The following NIPBL variants were observed in gnomAD, a reference collection of about 807,000 sequenced individuals.
The protein encoded by NIPBL is NIPBL cohesin loading factor.
A neutral mutation model predicts 321.8 loss-of-function variants in NIPBL; 19 were observed. That is an observed-to-expected ratio of 0.06 (90% CI 0.04 to 0.09). The LOEUF (loss-of-function observed/expected upper bound fraction) is 0.09, where lower values mean the gene tolerates loss of function less well. NIPBL is among the 10% of genes least tolerant of loss of function. The probability of loss-of-function intolerance (pLI) is 1.00; values close to 1 mark genes in which losing one functional copy is unlikely to be tolerated. For missense variants in NIPBL, 2,210 were observed against 3,327.0 expected (o/e 0.66, Z 8.26); for synonymous variants, 1,106 against 1,114.1 (o/e 0.99, Z 0.14).
chr5:37,057,076 G>C, intron 42 of NIPBL, 110 bp from the exon 43 acceptor site: 1 of 1,029,966 alleles, frequency 9.7e-7, no homozygotes, highest in Non-Finnish European at 1.5e-6. Flanking sequence ...GCTTATCTCT[G>C]TCTAACATTA....
rs370709104 is a variant in NIPBL at position 37,046,208 on chromosome 5, A to T, written c.6589+9A>T. ...AGCTATCATTGGTCTAGGTAAGTCT[A>T]AATTTCTTTATAATTTGTAGCTATT... On this transcript the variant is annotated intron_variant, in intron 38 of 46. Coordinates refer to ENST00000282516, the MANE Select transcript of NIPBL (RefSeq NM_133433.4). 8.9e-5 allele frequency: 129 copies of T among 1,450,338 alleles called. No individual in the cohort carries two copies. The Middle Eastern group carries it at 1.4e-3, about 16-fold the overall frequency. 89.8% of individuals were successfully genotyped at this position (1,450,338 alleles called of 1,614,324 possible).
At chr5:36,899,466 A>G (rs976906325) in intron 1 of NIPBL, among the ~76,000 whole-genome samples, 12 of 152,188 alleles carry the variant, frequency 7.9e-5, no homozygotes, top group Admixed American at 2.6e-4. Context: ...GGAATCTCAT[A>G]TTCAGTGCAG....
chr5:36,985,809 T>C lies in NIPBL; in HGVS notation c.2629T>C (p.Ser877Pro). Reference sequence around the variant, plus strand: ...AAAACACAGGCATGAATCAGGGGACTCAAGGGAAAGACCATCTTCTGGGGA... The same window carrying C: ...AAAACACAGGCATGAATCAGGGGACCCAAGGGAAAGACCATCTTCTGGGGA... ...ERKHRHESGD[S>P]RERPSSGEQK... Residue 877 changes from serine to proline, a missense_variant, in exon 10 of 47, where the codon TCA becomes CCA. By Grantham distance (74) the Ser-to-Pro change is moderately conservative. Around this residue, in one of 14 missense-constraint regions of NIPBL, gnomAD observed 588 missense variants for 564.1 expected, o/e 1.04. Transcript: ENST00000282516. The C allele has an allele frequency of 6.2e-7, 1 of 1,613,906 alleles. No individual in the cohort carries two copies. Among genetic ancestry groups the C allele is most frequent in the Non-Finnish European group, 8.5e-7 (1 of 1,179,944 alleles).
intron 9 of NIPBL, chr5:36,982,153 C>T: frequency 1.3e-6 from 1 of 798,350 alleles, no homozygotes; most frequent in Non-Finnish European, 1.5e-6. Context: ...CTTTTGTATG[C>T]ATTTTCTTTA....
rs529714303 is a variant in NIPBL, at chr5:36,954,410, C to A, written c.64+650C>A. On this transcript the variant is annotated intron_variant, in intron 2 of 46. Transcript: ENST00000282516. ...TTTAGTGGGGTAAAATAGATAACAG[C>A]CTGTTAGCTTTGAGCTTAGGAAATA... Among the ~76,000 whole-genome samples the A allele has an allele frequency of 5.9e-5, 9 of 152,214 alleles. No homozygotes were observed. The South Asian group carries it at 1.9e-3, about 32-fold the overall frequency.
intron 1 of NIPBL, among the ~76,000 whole-genome samples, chr5:36,941,512 C>CAAA (rs777774119): frequency 1.1e-5 from 1 of 91,464 alleles, no homozygotes; most frequent in Admixed American, 1.1e-4. Flanking sequence ...AACCCAGAAC[C>CAAA]AAAAAAAAAA....
At chr5:36,885,955 C>G in intron 1 of NIPBL, 1 of 733,830 alleles carries the variant, frequency 1.4e-6, no homozygotes, top group Non-Finnish European at 2.5e-6. Context: ...TCATGGCAGA[C>G]ATACAGGCCC....
intron 9 of NIPBL, among the ~76,000 whole-genome samples, chr5:36,977,839 T>C (rs186185832): frequency 1.3e-5 from 2 of 151,892 alleles, no homozygotes; most frequent in African/African-American, 2.4e-5. Flanking sequence ...TTCCCACTTA[T>C]AAGTGAGAAC....
chr5:37,016,199 G>A (rs1034128011), intron 23 of NIPBL, 29 bp downstream of exon 23: 2 of 1,605,102 alleles, frequency 1.2e-6, no homozygotes, highest in Non-Finnish European at 1.7e-6. Flanking sequence ...AAGATTATTA[G>A]ATTACTAGAA....
chr5:37,006,065 C>T (rs908227819), intron 16 of NIPBL, among the ~76,000 whole-genome samples: 2 of 151,906 alleles, frequency 1.3e-5, no homozygotes, highest in African/African-American at 4.8e-5. Context: ...AAGTCATAAG[C>T]TAAATCTTAA....
chr5:36,958,914 A>G (rs951847039), intron 4 of NIPBL, among the ~76,000 whole-genome samples: 9 of 152,200 alleles, frequency 5.9e-5, no homozygotes, highest in African/African-American at 2.2e-4. Context: ...ATTGTATTTA[A>G]GAATTTTATC....
In NIPBL at chr5:36,976,430, A is replaced by T. The variant is rs775983523; in HGVS notation, c.1495+28A>T. 4 of 1,599,106 alleles carry T rather than the reference A, an allele frequency of 2.5e-6. No individual in the cohort carries two copies. In the African/African-American group the frequency reaches 5.3e-5, roughly 21 times the overall value. ...AAAATAATCTCATTATTACCACTTCATCATCTGGGCAAATATGTAATTATA... is the reference window on the plus strand; with the variant it reads ...AAAATAATCTCATTATTACCACTTCTTCATCTGGGCAAATATGTAATTATA... On this transcript the variant is annotated intron_variant, in intron 9 of 46. Transcript: ENST00000282516.
rs138765912 is a variant in NIPBL, at chr5:36,976,232, C to T, written c.1325C>T (p.Ser442Leu). ...NQVPVLQQNT[S>L]VAAKQPQTSV... ...GTGCCTGTTTTACAACAGAACACTT[C>T]AGTTGCTGCAAAACAACCCCAGACT... The change falls in exon 9 of 47, where the codon TCA (serine) becomes TTA (leucine). Residue 442 changes from serine (S) to leucine (L), a missense_variant. Ser to Leu is a moderately radical substitution (Grantham distance 145, BLOSUM62 -2). Transcript: ENST00000282516. 20 of 1,613,648 alleles carry T rather than the reference C, an allele frequency of 1.2e-5. No homozygotes were observed. Among genetic ancestry groups the T allele is most frequent in the Non-Finnish European group, 1.7e-5 (20 of 1,179,872 alleles).
intron 7 of NIPBL, 130 bp from the exon 8 acceptor site, chr5:36,971,815 C>A (rs1742877860): frequency 1.4e-6 from 2 of 1,480,602 alleles, no homozygotes; most frequent in African/African-American, 2.8e-5. Flanking sequence ...CAGGAAAGTG[C>A]AGAAGAATTA....
intron 3 of NIPBL, among the ~76,000 whole-genome samples, chr5:36,956,909 G>A (rs780166912): frequency 1.1e-4 from 16 of 152,004 alleles, no homozygotes; most frequent in Admixed American, 3.9e-4. Context: ...ATAGGTGTGA[G>A]CCACTGTGCC....
Position 37,048,530 on chromosome 5 carries a change from A to C in NIPBL, c.6618A>C (p.Leu2206=). 1 of 1,584,784 alleles carries C rather than the reference A, an allele frequency of 6.3e-7. No homozygotes were observed. Residue 2206 remains leucine, a synonymous_variant, in exon 39 of 47, where the codon CTA becomes CTC. Transcript: ENST00000282516. Reference sequence around the variant, plus strand: ...TTGCCTTTATTCAGCATCCAAGTCTAATGTTCGAGCAAGAAGTGAAGAATC... The same window carrying C: ...TTGCCTTTATTCAGCATCCAAGTCTCATGTTCGAGCAAGAAGTGAAGAATC... ...LGFAFIQHPS[L]MFEQEVKNLY...
intron 36 of NIPBL, among the ~76,000 whole-genome samples, chr5:37,045,180 C>T (rs944713766): frequency 4.6e-5 from 7 of 151,922 alleles, no homozygotes; most frequent in African/African-American, 1.5e-4. Context: ...GGTGAAACCC[C>T]GTCTCTCTAC....
intron 6 of NIPBL, among the ~76,000 whole-genome samples, chr5:36,964,632 G>A (rs1190860825): frequency 2.6e-5 from 4 of 152,064 alleles, no homozygotes; most frequent in Non-Finnish European, 4.4e-5. Context: ...AATACTTTCT[G>A]TTTAAGATTT....
At chr5:36,922,782 G>A (rs559059449) in intron 1 of NIPBL, among the ~76,000 whole-genome samples, 110 of 152,204 alleles carry the variant, frequency 7.2e-4, no homozygotes, top group Admixed American at 1.1e-3. Context: ...TCGCAATTTT[G>A]TTGAGAAGAT....
Sources: gnomAD v4.1 joint callset for allele counts (sites outside exome capture counted in the v4.1 genomes callset) on GRCh38, gnomAD v4.1.1 for gene constraint, gnomAD v4.1.1 regional missense constraint, MANE v1.5 for transcripts, NCBI Gene and HGNC (gene_info 2026-07-23, HGNC 2026-07-21) for gene names.